The following FNDC3B variants were observed in gnomAD, a reference collection of about 807,000 sequenced individuals.
The protein encoded by FNDC3B is fibronectin type III domain-containing protein 3B.
FNDC3B carries 12 observed loss-of-function variants against 151.5 expected under a neutral mutation model. That is an observed-to-expected ratio of 0.08 (90% CI 0.05 to 0.13). FNDC3B has a LOEUF of 0.13. Ranked by LOEUF, FNDC3B falls within the 10% of genes least tolerant of loss-of-function variation. FNDC3B has a pLI of 1.00. For missense variants in FNDC3B, 1,214 were observed against 1,505.3 expected, an observed-to-expected ratio of 0.81 and a Z score of 3.20; for synonymous variants, 528 against 549.0, an observed-to-expected ratio of 0.96 and a Z score of 0.54.
intron 2 of FNDC3B, among the ~76,000 whole-genome samples, chr3:172,125,319 C>T (rs929216713): frequency 6.7e-6 from 1 of 149,668 alleles, no homozygotes; most frequent in African/African-American, 2.6e-5. Flanking sequence ...TGAAATCTTC[C>T]GAAGCCCCAG....
chr3:172,364,633 AC>A (rs1287072577), intron 23 of FNDC3B, among the ~76,000 whole-genome samples: 1 of 152,226 alleles, frequency 6.6e-6, no homozygotes, highest in African/African-American at 2.4e-5. Flanking sequence ...TTTCCATGAC[AC>A]GGTGGCTCCT....
intron 5 of FNDC3B, among the ~76,000 whole-genome samples, chr3:172,250,328 A>G (rs1728002056): frequency 6.6e-6 from 1 of 152,168 alleles, no homozygotes; most frequent in Non-Finnish European, 1.5e-5. Flanking sequence ...GATTTCAGAG[A>G]TGGCTTTTCT....
rs141516328 is a variant in FNDC3B at position 172,352,812 on chromosome 3, C to G, written c.2524C>G (p.Gln842Glu). The stretch of plus-strand genomic sequence containing the variant: ...CTGTTCTGTTTTGTAGGCCTTCAAT[C>G]AAGCAGGGGCAGGGCCGTACAGTGA... ...QYCCRLQAFN[Q>E]AGAGPYSELV... The change falls in exon 22 of 26, where the codon CAA (glutamine) becomes GAA (glutamate). Residue 842 changes from glutamine (Q) to glutamate (E), a missense_variant. Physicochemically the swap from Gln to Glu is conservative, Grantham distance 29 (BLOSUM62 2). Coordinates refer to ENST00000415807, the MANE Select transcript of FNDC3B (RefSeq NM_022763.4). This position sits in a 1 kb window ranked among gnomAD's most constrained non-coding sequence, Gnocchi z 4.2. 1.2e-5 allele frequency: 19 copies of G among 1,613,148 alleles called. No homozygotes were observed. Among genetic ancestry groups the G allele is most frequent in the Non-Finnish European group, 1.6e-5 (19 of 1,179,740 alleles).
At chr3:172,089,438 G>A (rs1252634409) in intron 1 of FNDC3B, among the ~76,000 whole-genome samples, 2 of 152,100 alleles carry the variant, frequency 1.3e-5, no homozygotes, top group Non-Finnish European at 2.9e-5. Context: ...ACAGCTGTCC[G>A]CAGAGGTTTG....
At chr3:172,342,910 C>T (rs606797) in intron 17 of FNDC3B, 101 bp from the exon 18 acceptor site, 343,160 of 692,416 alleles carry the variant, frequency 0.5, 91,438 homozygotes, top group Non-Finnish European at 0.58. Context: ...AACCCCTTTT[C>T]GGTAACATTT....
At chr3:172,236,397 A>G (rs887729903) in intron 4 of FNDC3B, among the ~76,000 whole-genome samples, 5 of 152,212 alleles carry the variant, frequency 3.3e-5, no homozygotes, top group African/African-American at 1.2e-4. Flanking sequence ...CTCAGCTAGA[A>G]TTTAGGACTG....
intron 15 of FNDC3B, among the ~76,000 whole-genome samples, chr3:172,337,045 A>T (rs552366538): frequency 1.3e-5 from 2 of 152,278 alleles, no homozygotes; most frequent in South Asian, 2.1e-4. Flanking sequence ...AAATTCAACA[A>T]CTTGATCAGT....
chr3:172,047,240 A>G (rs1026355641), intron 1 of FNDC3B, among the ~76,000 whole-genome samples: 47 of 152,128 alleles, frequency 3.1e-4, no homozygotes, highest in African/African-American at 1.1e-3. Context: ...ATAATTGAAG[A>G]TTCTAAGATC....
chr3:172,140,865 T>C (rs149995923), intron 3 of FNDC3B, among the ~76,000 whole-genome samples: 8 of 152,358 alleles, frequency 5.3e-5, no homozygotes, highest in South Asian at 2.1e-4. Context: ...TTTATTCTTA[T>C]ATTTACATAA....
chr3:172,241,578 G>A (rs1727494058), intron 4 of FNDC3B, among the ~76,000 whole-genome samples: 1 of 151,134 alleles, frequency 6.6e-6, no homozygotes, highest in African/African-American at 2.4e-5. Context: ...AAAAAAAAGA[G>A]CTTGTGCAAG....
At chr3:172,208,636 G>A (rs773312251) in intron 3 of FNDC3B, among the ~76,000 whole-genome samples, 3 of 151,926 alleles carry the variant, frequency 2.0e-5, no homozygotes, top group Non-Finnish European at 4.4e-5. Context: ...AGGATCCTTC[G>A]GGTGTCACTT....
intron 7 of FNDC3B, among the ~76,000 whole-genome samples, chr3:172,288,503 G>T (rs1200529758): frequency 6.6e-6 from 1 of 152,234 alleles, no homozygotes; most frequent in African/African-American, 2.4e-5. Context: ...GGGCACAGAC[G>T]TAGTCAGTAT....
At chr3:172,366,612 TCA>T (rs1411442633) in intron 23 of FNDC3B, among the ~76,000 whole-genome samples, 3 of 152,220 alleles carry the variant, frequency 2.0e-5, no homozygotes, top group Non-Finnish European at 4.4e-5. Context: ...CTTAAGGAAC[TCA>T]CAGTCTGGTG....
intron 16 of FNDC3B, among the ~76,000 whole-genome samples, chr3:172,338,529 T>C (rs1023123547): frequency 6.6e-6 from 1 of 152,172 alleles, no homozygotes; most frequent in Non-Finnish European, 1.5e-5. Context: ...CTTCAGGTTT[T>C]TGTTACTATT....
chr3:172,290,435 G>C (rs942744211), intron 7 of FNDC3B, among the ~76,000 whole-genome samples: 2 of 152,204 alleles, frequency 1.3e-5, no homozygotes, highest in Admixed American at 1.3e-4. Context: ...CAATAAGCCT[G>C]ATATTATTCT....
At chr3:172,130,640 T>G (rs146181966) in intron 2 of FNDC3B, among the ~76,000 whole-genome samples, 4 of 152,354 alleles carry the variant, frequency 2.6e-5, no homozygotes, top group African/African-American at 9.6e-5. Context: ...TTGTGCAATA[T>G]GATAAGCAGA....
At chr3:172,311,054 A>G (rs562671716) in intron 11 of FNDC3B, 173 bp downstream of exon 11, 2 of 587,706 alleles carry the variant, frequency 3.4e-6, no homozygotes, top group African/African-American at 3.7e-5. Context: ...AGATTGAAGT[A>G]GTATTATGAG....
intron 21 of FNDC3B, among the ~76,000 whole-genome samples, chr3:172,347,843 C>T (rs546768951): frequency 1.1e-4 from 16 of 152,294 alleles, no homozygotes; most frequent in Admixed American, 4.6e-4. Flanking sequence ...CTCCCAGTGA[C>T]GGTTATCAAG....
At chr3:172,379,319 A>T (rs1250335797) in intron 24 of FNDC3B, among the ~76,000 whole-genome samples, 2 of 152,230 alleles carry the variant, frequency 1.3e-5, no homozygotes, top group Non-Finnish European at 2.9e-5. Context: ...AAATAACCCT[A>T]AGGCTGACAG....
Sources: allele counts gnomAD v4.1 joint callset (sites outside exome capture counted in the v4.1 genomes callset), GRCh38; gene constraint gnomAD v4.1.1; non-coding constraint Gnocchi (gnomAD v3.1); transcripts MANE v1.5; gene names NCBI Gene and HGNC (gene_info 2026-07-23, HGNC 2026-07-21).